The following PRR16 variants were observed in gnomAD, a reference collection of about 807,000 sequenced individuals.
PRR16 encodes proline rich 16.
Under a neutral mutation model 18.2 loss-of-function variants are expected in PRR16, and 6 were observed. The ratio of observed to expected loss-of-function variants is 0.33; its 90% confidence interval spans 0.18 to 0.65. The LOEUF is 0.65. Among genes scored for constraint, PRR16 ranks in the 30% least tolerant of loss-of-function variants. The probability of loss-of-function intolerance (pLI) is 0.74; values close to 1 mark genes in which losing one functional copy is unlikely to be tolerated. For synonymous variants in PRR16, 151 were observed against 147.8 expected, an observed-to-expected ratio of 1.02 and a Z score of -0.16; for missense variants, 412 against 376.6, an observed-to-expected ratio of 1.09 and a Z score of -0.78.
the PRR16 span, among the ~76,000 whole-genome samples, chr5:120,720,686 G>C: frequency 6.6e-6 from 1 of 151,966 alleles, no homozygotes; most frequent in Admixed American, 6.6e-5. Context: ...CTGAATAGTT[G>C]ATTCAAAATA....
chr5:120,756,666 C>G, the PRR16 span, among the ~76,000 whole-genome samples: 1 of 151,494 alleles, frequency 6.6e-6, no homozygotes, highest in Non-Finnish European at 1.5e-5. Flanking sequence ...TGTTTAAGTT[C>G]CTTATGAATA....
At chr5:120,787,824 A>G in the PRR16 span, among the ~76,000 whole-genome samples, 13 of 151,978 alleles carry the variant, frequency 8.6e-5, no homozygotes, top group African/African-American at 2.7e-4. Flanking sequence ...CCTCATCAAA[A>G]TTTTTCAACA....
intron 1 of PRR16, among the ~76,000 whole-genome samples, chr5:120,669,069 G>C (rs187483157): frequency 3.2e-4 from 48 of 152,258 alleles, no homozygotes; most frequent in Admixed American, 2.0e-3. Context: ...TGTGCCATAA[G>C]AGGATAACTC....
chr5:120,584,746 G>A (rs1753384041), intron 1 of PRR16, among the ~76,000 whole-genome samples: 1 of 152,080 alleles, frequency 6.6e-6, no homozygotes, highest in African/African-American at 2.4e-5. Flanking sequence ...AACTTCAAAT[G>A]TCATGTTTAA....
At chr5:120,479,136 G>A (rs895320086) in intron 1 of PRR16, among the ~76,000 whole-genome samples, 8 of 152,056 alleles carry the variant, frequency 5.3e-5, no homozygotes, top group African/African-American at 1.9e-4. Context: ...TACTACAGTC[G>A]TTAAGGTAGA....
At chr5:120,791,446 G>GT in the PRR16 span, among the ~76,000 whole-genome samples, 1 of 151,742 alleles carries the variant, frequency 6.6e-6, no homozygotes, top group Non-Finnish European at 1.5e-5. Flanking sequence ...GAAAGCTCAG[G>GT]TATTGTATCA....
chr5:120,713,193 C>T, the PRR16 span, among the ~76,000 whole-genome samples: 3 of 152,146 alleles, frequency 2.0e-5, no homozygotes, highest in East Asian at 3.9e-4. Flanking sequence ...CATGGATGAA[C>T]TTGGAGGACA....
the PRR16 span, among the ~76,000 whole-genome samples, chr5:120,731,021 C>G: frequency 1.8e-3 from 272 of 152,156 alleles, 1 homozygote; most frequent in African/African-American, 6.3e-3. Flanking sequence ...AAATTATACA[C>G]CAGAACAGGA....
intron 1 of PRR16, among the ~76,000 whole-genome samples, chr5:120,592,091 A>G (rs976550712): frequency 1.3e-5 from 2 of 151,344 alleles, no homozygotes; most frequent in African/African-American, 2.4e-5. Flanking sequence ...GTCTGAAAAG[A>G]CAAAGTAGCA....
chr5:120,503,027 T>C (rs1057321295), intron 1 of PRR16, among the ~76,000 whole-genome samples: 1 of 152,152 alleles, frequency 6.6e-6, no homozygotes, highest in Non-Finnish European at 1.5e-5. Context: ...TTGAAACATA[T>C]AAAATATTAG....
intron 1 of PRR16, among the ~76,000 whole-genome samples, chr5:120,684,861 C>T (rs1452698951): frequency 6.6e-6 from 1 of 152,206 alleles, no homozygotes; most frequent in African/African-American, 2.4e-5. Flanking sequence ...AACCTCTCTC[C>T]TTAACGTGGG....
the PRR16 span, among the ~76,000 whole-genome samples, chr5:120,756,465 T>G: frequency 6.6e-6 from 1 of 152,156 alleles, no homozygotes; most frequent in South Asian, 2.1e-4. Flanking sequence ...CATCGGCCAT[T>G]TGTTGACTTT....
At chr5:120,591,302 T>C (rs566186578) in intron 1 of PRR16, among the ~76,000 whole-genome samples, 6 of 151,846 alleles carry the variant, frequency 4.0e-5, no homozygotes, top group Non-Finnish European at 8.8e-5. Context: ...AATAAATAAA[T>C]AAAAAATAAT....
At chr5:120,759,435 C>T in the PRR16 span, among the ~76,000 whole-genome samples, 2 of 151,910 alleles carry the variant, frequency 1.3e-5, no homozygotes, top group Non-Finnish European at 2.9e-5. Flanking sequence ...AGACTATATA[C>T]TATATGATTC....
At chr5:120,518,985 G>T (rs1370843261) in intron 1 of PRR16, among the ~76,000 whole-genome samples, 1 of 152,060 alleles carries the variant, frequency 6.6e-6, no homozygotes, top group Admixed American at 6.6e-5. Context: ...TATTTTATTA[G>T]TTAAGCCTAT....
chr5:120,627,031 A>T (rs1754889334), intron 1 of PRR16, among the ~76,000 whole-genome samples: 1 of 152,116 alleles, frequency 6.6e-6, no homozygotes, highest in African/African-American at 2.4e-5. Context: ...AAAGAAATCC[A>T]CTACCTGTAC....
chr5:120,537,800 G>A (rs1239651336), intron 1 of PRR16, among the ~76,000 whole-genome samples: 1 of 141,192 alleles, frequency 7.1e-6, no homozygotes, highest in African/African-American at 2.7e-5. Context: ...TTTTTGAGAC[G>A]GAGTCTCGCT....
intron 1 of PRR16, among the ~76,000 whole-genome samples, chr5:120,530,972 G>A (rs1445700521): frequency 6.6e-6 from 1 of 152,118 alleles, no homozygotes; most frequent in East Asian, 1.9e-4. Context: ...TGCAACAAAA[G>A]TTAGAAACAG....
chr5:120,556,023 C>T (rs1055586204), intron 1 of PRR16, among the ~76,000 whole-genome samples: 1 of 151,524 alleles, frequency 6.6e-6, no homozygotes, highest in Admixed American at 6.6e-5. Context: ...TTCACCTGTA[C>T]CATACTGAGA....
Sources: allele counts gnomAD v4.1 joint callset (sites outside exome capture counted in the v4.1 genomes callset), GRCh38; gene constraint gnomAD v4.1.1; transcripts MANE v1.5; gene names NCBI Gene and HGNC (gene_info 2026-07-23, HGNC 2026-07-21).